DLGAP2: variants seen among roughly 807,000 people sequenced by gnomAD.
The protein encoded by DLGAP2 is DLG associated protein 2, also known as disks large-associated protein 2.
In DLGAP2, 26 loss-of-function variants were observed where a neutral mutation model predicts 100.3. The ratio of observed to expected loss-of-function variants is 0.26; its 90% CI spans 0.19 to 0.36. The LOEUF (loss-of-function observed/expected upper bound fraction) is 0.36. Among genes scored for constraint, DLGAP2 ranks in the 10% least tolerant of loss-of-function variants. The pLI is 1.00. For synonymous variants in DLGAP2, 886 were observed against 630.1 expected (o/e 1.41, Z -6.08); for missense variants, 1,858 against 1,453.2 (o/e 1.28, Z -4.53).
chr8:1,469,092 C>G (rs978805480), intron 3 of DLGAP2, among the ~76,000 whole-genome samples: 1 of 151,856 alleles, frequency 6.6e-6, no homozygotes, highest in South Asian at 2.1e-4. Context: ...TCCTGTCATT[C>G]ATTCTATGAA....
rs115676553 is a variant in DLGAP2, at chr8:786,839, C to A, written c.18+49014C>A. Among the ~76,000 whole-genome samples, 909 of 152,028 alleles carry A rather than the reference C, an allele frequency of 6.0e-3. 8 individuals are homozygous for A. Among genetic ancestry groups the A allele is most frequent in the African/African-American group, 0.021 (854 of 41,470 alleles). On this transcript the variant is annotated intron_variant, in intron 1 of 14. Coordinates refer to ENST00000637795, the MANE Select transcript of DLGAP2 (RefSeq NM_001346810.2). Reference sequence around the variant, plus strand: ...TTTTTTAACAGCGTCTCAGTGAGACCTGTGAACGTGGCTTCTTGGAGGGGT... The same window carrying A: ...TTTTTTAACAGCGTCTCAGTGAGACATGTGAACGTGGCTTCTTGGAGGGGT...
At chr8:1,285,181 T>A in intron 3 of DLGAP2, among the ~76,000 whole-genome samples, 1 of 152,232 alleles carries the variant, frequency 6.6e-6, no homozygotes, top group African/African-American at 2.4e-5. Context: ...TGTTCTGTTG[T>A]GTTGGTCACG....
intron 3 of DLGAP2, among the ~76,000 whole-genome samples, chr8:1,357,276 T>C (rs1801877877): frequency 1.3e-5 from 2 of 152,074 alleles, no homozygotes; most frequent in Non-Finnish European, 2.9e-5. Context: ...GGGGTGTCCT[T>C]CAGGGCAGTG....
chr8:1,504,555 C>G (rs1383853104), intron 4 of DLGAP2, among the ~76,000 whole-genome samples: 3 of 152,200 alleles, frequency 2.0e-5, no homozygotes, highest in Admixed American at 6.5e-5. Flanking sequence ...CCAGTTCCCC[C>G]CAACCCTCTC....
At chr8:1,260,305 A>G (rs942962918) in intron 3 of DLGAP2, among the ~76,000 whole-genome samples, 4 of 151,798 alleles carry the variant, frequency 2.6e-5, no homozygotes, top group African/African-American at 9.7e-5. Flanking sequence ...CTTTCCCCCA[A>G]CCCCTCACCG....
chr8:818,126 A>G (rs968392184), intron 1 of DLGAP2, among the ~76,000 whole-genome samples: 1 of 152,156 alleles, frequency 6.6e-6, no homozygotes, highest in Non-Finnish European at 1.5e-5. Flanking sequence ...GGTGAGGGGC[A>G]GGGACAGGCA....
chr8:1,448,147 C>G (rs768379048), intron 3 of DLGAP2, among the ~76,000 whole-genome samples: 1 of 152,074 alleles, frequency 6.6e-6, no homozygotes, highest in Non-Finnish European at 1.5e-5. Context: ...TGTGTTCGCT[C>G]TTGCTTTTCT....
intron 2 of DLGAP2, among the ~76,000 whole-genome samples, chr8:1,112,224 A>G (rs1585071226): frequency 7.2e-6 from 1 of 139,774 alleles, no homozygotes; most frequent in Admixed American, 7.3e-5. Context: ...AAGTGTGTTC[A>G]TGTCCTTTGC....
At chr8:832,744 G>A (rs1397633553) in intron 1 of DLGAP2, among the ~76,000 whole-genome samples, 2 of 152,210 alleles carry the variant, frequency 1.3e-5, no homozygotes, top group Non-Finnish European at 2.9e-5. Context: ...GTGTAAGAAT[G>A]TCAGCTGCAG....
At chr8:1,314,153 T>G (rs1470076995) in intron 3 of DLGAP2, among the ~76,000 whole-genome samples, 1 of 152,236 alleles carries the variant, frequency 6.6e-6, no homozygotes, top group Non-Finnish European at 1.5e-5. Flanking sequence ...TAAAATCCTA[T>G]GAAACTGTAT....
chr8:1,626,923 G>T lies in DLGAP2; in HGVS notation c.1590+36G>T, dbSNP rs564428422. The T allele has an allele frequency of 7.3e-4, 1,133 of 1,559,522 alleles. 17 individuals are homozygous for T. The South Asian group carries it at 0.012, about 17-fold the overall frequency. ...CTTCGCCCTTTCTCCCTGGGGTCCA[G>T]TCTCCCCAGCCAGGCTGGCACGGAG... On this transcript the variant is annotated intron_variant, in intron 7 of 14. Transcript: ENST00000637795.
chr8:825,783 A>C (rs550811244), intron 1 of DLGAP2, among the ~76,000 whole-genome samples: 1 of 152,228 alleles, frequency 6.6e-6, no homozygotes, highest in South Asian at 2.1e-4. Flanking sequence ...ACTTCAAAAT[A>C]ATCACATCAG....
At chr8:1,681,939 T>C (rs1798959907) in intron 12 of DLGAP2, among the ~76,000 whole-genome samples, 1 of 138,666 alleles carries the variant, frequency 7.2e-6, no homozygotes, top group Non-Finnish European at 1.5e-5. Context: ...CGTTGAACGC[T>C]CTGCCTTCCC....
chr8:847,149 A>G (rs1393261616), intron 1 of DLGAP2, among the ~76,000 whole-genome samples: 1 of 152,212 alleles, frequency 6.6e-6, no homozygotes, highest in Non-Finnish European at 1.5e-5. Context: ...CACTGATTCA[A>G]TAACTGTTAT....
chr8:1,204,212 A>G (rs2044923), intron 2 of DLGAP2, among the ~76,000 whole-genome samples: 86,150 of 152,178 alleles, frequency 0.57, 26,754 homozygotes, highest in African/African-American at 0.83. Flanking sequence ...GCGGGTTTTT[A>G]TCTGCTCCTA....
intron 2 of DLGAP2, among the ~76,000 whole-genome samples, chr8:913,119 A>G (rs563508822): frequency 6.6e-6 from 1 of 152,184 alleles, no homozygotes; most frequent in Non-Finnish European, 1.5e-5. Context: ...GATGTTGAGT[A>G]TATTTGTATT....
intron 2 of DLGAP2, among the ~76,000 whole-genome samples, chr8:1,164,141 G>GGGAC (rs1563224079): frequency 1.4e-5 from 1 of 71,842 alleles, no homozygotes; most frequent in Non-Finnish European, 3.1e-5. Context: ...TTGGTTTGTG[G>GGGAC]GGATTTTTCT....
rs192914823 is a variant in DLGAP2, at chr8:1,432,070, C to G, written c.107-69296C>G. Among the ~76,000 whole-genome samples the G allele has an allele frequency of 3.4e-3, 518 of 152,156 alleles. 2 individuals carry two copies. The highest frequency in any genetic ancestry group is 0.012 in the African/African-American group (504 of 41,468). ...GCTGAACCCTGCCGGCACCCAGCACCCCATGCCAGCCAGCACTGCTACAGG... is the reference window on the plus strand; with the variant it reads ...GCTGAACCCTGCCGGCACCCAGCACGCCATGCCAGCCAGCACTGCTACAGG... On this transcript the variant is annotated intron_variant, in intron 3 of 14. Coordinates refer to ENST00000637795, the MANE Select transcript of DLGAP2 (RefSeq NM_001346810.2).
At chr8:1,128,118 A>C (rs1796209787) in intron 2 of DLGAP2, among the ~76,000 whole-genome samples, 1 of 152,054 alleles carries the variant, frequency 6.6e-6, no homozygotes, top group Non-Finnish European at 1.5e-5. Flanking sequence ...GTGTTCCGTG[A>C]GGACCTGCTC....
Sources: allele counts gnomAD v4.1 joint callset (sites outside exome capture counted in the v4.1 genomes callset), GRCh38; gene constraint gnomAD v4.1.1; transcripts MANE v1.5; gene names NCBI Gene and HGNC (gene_info 2026-07-23, HGNC 2026-07-21).